TERT: variants seen among roughly 807,000 people sequenced by gnomAD.
TERT encodes the protein telomerase catalytic subunit.
Under a neutral mutation model 104.0 loss-of-function variants are expected in TERT, and 42 were observed. That is an observed-to-expected ratio of 0.40 (90% CI 0.32 to 0.52). The LOEUF is 0.52. Among genes scored for constraint, TERT ranks in the 20% least tolerant of loss-of-function variants. The pLI, the probability that TERT is intolerant of heterozygous loss-of-function variation, is 0.43. For missense variants in TERT, 1,101 were observed against 1,610.3 expected (o/e 0.68, Z 5.41); for synonymous variants, 781 against 725.6 (o/e 1.08, Z -1.23).
chr5:1,290,179 G>A (rs1579591227), intron 2 of TERT, among the ~76,000 whole-genome samples: 1 of 85,450 alleles, frequency 1.2e-5, no homozygotes, highest in South Asian at 3.2e-4. Context: ...CGGGGACAGT[G>A]CCTCACTCAC....
chr5:1,293,225 A>C (rs934082067), intron 2 of TERT, 88 bp downstream of exon 2: 6 of 1,530,896 alleles, frequency 3.9e-6, no homozygotes, highest in Non-Finnish European at 5.4e-6. Flanking sequence ...TGGAGACAGG[A>C]GGACCAGGGC....
chr5:1,278,934 G>T, intron 5 of TERT, 138 bp from the exon 6 acceptor site: 1 of 1,233,308 alleles, frequency 8.1e-7, no homozygotes, highest in Non-Finnish European at 1.2e-6. Flanking sequence ...GGCAGGGCGG[G>T]CTGTGTCCCC....
At chr5:1,258,480 C>T in intron 13 of TERT, 118 bp downstream of exon 13, 4 of 903,828 alleles carry the variant, frequency 4.4e-6, no homozygotes, top group Non-Finnish European at 7.1e-6. Context: ...CCACTGAAAA[C>T]GTAAGACATT....
rs926630559 is a variant in TERT at position 1,286,827 on chromosome 5, G to A, written c.1574-4203C>T. 2.0e-5 allele frequency among the ~76,000 whole-genome samples: 3 copies of A among 152,144 alleles called. No individual in the cohort carries two copies. Among genetic ancestry groups the A allele is most frequent in the Non-Finnish European group, 2.9e-5 (2 of 68,022 alleles). ...GAGGAGGCAGAGGTTGCAGTGAGCC[G>A]AGATTGTGCCATTACACTCCAGCCT... On this transcript the variant is annotated intron_variant, in intron 2 of 15. Transcript: ENST00000310581. The surrounding 1 kb of genome is among the most constrained non-coding windows in gnomAD (Gnocchi z 5.3).
chr5:1,276,616 A>G (rs1749614895), intron 6 of TERT, among the ~76,000 whole-genome samples: 1 of 151,206 alleles, frequency 6.6e-6, no homozygotes, highest in Admixed American at 6.6e-5. Context: ...CACGGATGAA[A>G]ACCAATTCAC....
In TERT at chr5:1,253,718, C is replaced by A. The variant is rs771745814; in HGVS notation, c.*10G>T. On this transcript the variant is annotated 3_prime_UTR_variant, in exon 16 of 16. Transcript: ENST00000310581. ...TGTCTGCTCTCGGCCTGGCTGTGGG[C>A]GGGTGGCCATCAGTCCAGGATGGTC... is the stretch of plus-strand genomic sequence containing the variant. 2 of 1,603,654 alleles carry A rather than the reference C, an allele frequency of 1.2e-6. No individual in the cohort carries two copies. The highest frequency in any genetic ancestry group is 8.5e-7 in the Non-Finnish European group (1 of 1,174,260).
In TERT at chr5:1,264,122, T is replaced by C. The variant is rs1748421850; in HGVS notation, c.2843+282A>G. 2 of 501,610 alleles carry C rather than the reference T, an allele frequency of 4.0e-6. 1 individual carries two copies. The allele number at this position is 501,610 out of a possible 1,614,324, so 31.1% of individuals were successfully genotyped here. Reference sequence around the variant, plus strand: ...AGGGCCCGGGCGTCTTGGGTTCGGATCCAGACTGCTTTCTGAAGACACCTC... The same window carrying C: ...AGGGCCCGGGCGTCTTGGGTTCGGACCCAGACTGCTTTCTGAAGACACCTC... On this transcript the variant is annotated intron_variant, in intron 11 of 15. Transcript: ENST00000310581.
rs1042042391 is a variant in TERT at position 1,262,504 on chromosome 5, T to A, written c.2843+1900A>T. ...TTCTCCCAGATGCCCTTCAAGCCTCTGCTGTATACTTCAGACACAGAGGAT... is the reference window on the plus strand; with the variant it reads ...TTCTCCCAGATGCCCTTCAAGCCTCAGCTGTATACTTCAGACACAGAGGAT... On this transcript the variant is annotated intron_variant, in intron 11 of 15. Coordinates refer to ENST00000310581, the MANE Select transcript of TERT (RefSeq NM_198253.3). This position sits in a 1 kb window ranked among gnomAD's most constrained non-coding sequence, Gnocchi z 5.6. Among the ~76,000 whole-genome samples, 4 of 152,228 alleles carry A rather than the reference T, an allele frequency of 2.6e-5. No individual in the cohort carries two copies. Among genetic ancestry groups the A allele is most frequent in the Admixed American group, 2.6e-4 (4 of 15,284 alleles).
In TERT at chr5:1,292,662, A is replaced by G. The variant is rs1000707355; in HGVS notation, c.1573+651T>C. Among the ~76,000 whole-genome samples, 8 of 152,096 alleles carry G rather than the reference A, an allele frequency of 5.3e-5. No individual in the cohort carries two copies. Among genetic ancestry groups the G allele is most frequent in the Admixed American group, 5.2e-4 (8 of 15,284 alleles). On this transcript the variant is annotated intron_variant, in intron 2 of 15. Coordinates refer to ENST00000310581, the MANE Select transcript of TERT (RefSeq NM_198253.3). The surrounding 1 kb of genome is among the most constrained non-coding windows in gnomAD (Gnocchi z 5.5). ...CAAGTAGCTGGGATTACAGGCACACACCACCATGCCCAGCTAATTTTTGTA... is the reference window on the plus strand; with the variant it reads ...CAAGTAGCTGGGATTACAGGCACACGCCACCATGCCCAGCTAATTTTTGTA...
In TERT at chr5:1,253,846, T is replaced by C. The variant is rs1179835254; in HGVS notation, c.3296-15A>G. 6.2e-7 allele frequency: 1 copy of C among 1,601,260 alleles called. No homozygotes were observed. Among genetic ancestry groups the C allele is most frequent in the Non-Finnish European group, 8.5e-7 (1 of 1,175,562 alleles). ...CTGCGTCTGGGCTGCGGGGCCAAAA[T>C]CAGACTCCGTTCCAGAAGAGGCCAG... On this transcript the variant is annotated splice_polypyrimidine_tract_variant and intron_variant, in intron 15 of 15. Transcript: ENST00000310581.
Position 1,280,245 on chromosome 5 carries a change from G to A in TERT, c.1863C>T (p.Leu621=). 6.2e-7 allele frequency: 1 copy of A among 1,613,898 alleles called. No homozygotes were observed. Among genetic ancestry groups the A allele is most frequent in the Non-Finnish European group, 8.5e-7 (1 of 1,180,044 alleles). The change falls in exon 4 of 16, where the codon CTC becomes CTT. Residue 621 remains leucine, a synonymous_variant. Transcript: ENST00000310581. ...GCCCGTCAGGCTTGGGGATGAAGCG[G>A]AGTCTGGACGTCAGCAGGGCGGGCC... is the stretch of plus-strand genomic sequence containing the variant. ...EARPALLTSR[L]RFIPKPDGLR...
chr5:1,289,166 G>C (rs1313173395), intron 2 of TERT, among the ~76,000 whole-genome samples: 5 of 110,034 alleles, frequency 4.5e-5, no homozygotes, highest in Non-Finnish European at 9.4e-5. Context: ...ACACCCGGGG[G>C]CCGCAACTCA....
rs182364244 is a variant in TERT at position 1,265,946 on chromosome 5, G to A, written c.2654+518C>T. ...CTGAAACCCACTCCTAGCCATCTCC[G>A]TGGTTCAAGACAGCAGCACTCAGCA... is the stretch of plus-strand genomic sequence containing the variant. On this transcript the variant is annotated intron_variant, in intron 10 of 15. Coordinates refer to ENST00000310581, the MANE Select transcript of TERT (RefSeq NM_198253.3). The surrounding 1 kb of genome is among the most constrained non-coding windows in gnomAD (Gnocchi z 6.9). Among the ~76,000 whole-genome samples, 23 of 152,266 alleles carry A rather than the reference G, an allele frequency of 1.5e-4. 1 individual carries two copies. The highest frequency in any genetic ancestry group is 2.4e-4 in the African/African-American group (10 of 41,556).
At position 1,286,859 on chromosome 5, in the gene TERT, C is replaced by T. The variant is rs1157913828; in HGVS notation, c.1574-4235G>A. The stretch of plus-strand genomic sequence containing the variant: ...TGCCATTACACTCCAGCCTGGGTGA[C>T]AGAGTGAGACTGTCTCAATAAACAA... On this transcript the variant is annotated intron_variant, in intron 2 of 15. Coordinates refer to ENST00000310581, the MANE Select transcript of TERT (RefSeq NM_198253.3). This position sits in a 1 kb window ranked among gnomAD's most constrained non-coding sequence, Gnocchi z 5.3. Among the ~76,000 whole-genome samples the T allele has an allele frequency of 2.0e-5, 3 of 152,116 alleles. No homozygotes were observed. Among genetic ancestry groups the T allele is most frequent in the African/African-American group, 7.2e-5 (3 of 41,420 alleles).
At chr5:1,278,929 G>T in intron 5 of TERT, 133 bp from the exon 6 acceptor site, 1 of 1,279,658 alleles carries the variant, frequency 7.8e-7, no homozygotes, top group Admixed American at 1.9e-5. Flanking sequence ...CCAAGGGCAG[G>T]GCGGGCTGTG....
intron 10 of TERT, 144 bp from the exon 11 acceptor site, chr5:1,264,736 C>A (rs915803899): frequency 2.4e-5 from 23 of 946,804 alleles, no homozygotes; most frequent in Non-Finnish European, 3.7e-5. Flanking sequence ...CTCTGAGGAG[C>A]CTGGACCCAG....
chr5:1,289,765 T>C (rs62332588), intron 2 of TERT, among the ~76,000 whole-genome samples: 35,236 of 54,854 alleles, frequency 0.64, 8,949 homozygotes, highest in African/African-American at 0.73. Flanking sequence ...CAGTGCCTCA[T>C]TCACCCTACA....
chr5:1,286,240 G>A lies in TERT; in HGVS notation c.1574-3616C>T, dbSNP rs767913721. Among the ~76,000 whole-genome samples, 2 of 152,136 alleles carry A rather than the reference G, an allele frequency of 1.3e-5. No individual in the cohort carries two copies. Among genetic ancestry groups the A allele is most frequent in the Non-Finnish European group, 1.5e-5 (1 of 68,026 alleles). On this transcript the variant is annotated intron_variant, in intron 2 of 15. Transcript: ENST00000310581. The surrounding 1 kb of genome is among the most constrained non-coding windows in gnomAD (Gnocchi z 5.3). ...TCATAAGCAGAGGTCCCCGGACGTC[G>A]CTAGATGCCATGGAGGCCAGCACAG...
rs765833936 is a variant in TERT, at chr5:1,294,285, G to A, written c.601C>T (p.Arg201Trp). ...TCCCTGACGCTATGGTTCCAGGCCC[G>A]TTCGCATCCCAGACGCCTTCGGGGT... ...SGPRRRLGCE[R>W]AWNHSVREAG... is the part of the protein sequence containing the mutation. The change falls in exon 2 of 16, where the codon CGG becomes TGG. Residue 201 changes from arginine (R) to tryptophan (W), a missense_variant. Physicochemically the swap from Arg to Trp is moderately radical, Grantham distance 101. Coordinates refer to ENST00000310581, the MANE Select transcript of TERT (RefSeq NM_198253.3). 5 of 1,594,000 alleles carry A rather than the reference G, an allele frequency of 3.1e-6. No homozygotes were observed. The highest frequency in any genetic ancestry group is 2.7e-5 in the African/African-American group (2 of 74,780).
Sources: gnomAD v4.1 joint callset for allele counts (sites outside exome capture counted in the v4.1 genomes callset) on GRCh38, gnomAD v4.1.1 for gene constraint, Gnocchi (gnomAD v3.1) non-coding constraint, MANE v1.5 for transcripts, NCBI Gene and HGNC (gene_info 2026-07-23, HGNC 2026-07-21) for gene names.